TULP4: variants seen among roughly 807,000 people sequenced by gnomAD.
The protein encoded by TULP4 is TUB like protein 4.
A neutral mutation model predicts 129.0 loss-of-function variants in TULP4; 16 were observed. That is an observed-to-expected ratio of 0.12 (90% CI 0.08 to 0.19). TULP4 has a LOEUF of 0.19. TULP4 is among the 10% of genes least tolerant of loss of function. The pLI is 1.00. For synonymous variants in TULP4, 998 were observed against 854.0 expected (o/e 1.17, Z -2.94); for missense variants, 1,842 against 2,059.1 (o/e 0.89, Z 2.04).
chr6:158,313,307 G>A lies in TULP4; in HGVS notation c.-710G>A, dbSNP rs1355095558. On this transcript the variant is annotated 5_prime_UTR_variant, in exon 1 of 14. It introduces an in-frame stop codon into an upstream open reading frame of the 5' UTR. Coordinates refer to ENST00000367097, the MANE Select transcript of TULP4 (RefSeq NM_020245.5). ...CAAGCTTTGAGGTGGAAAGTTTCTG[G>A]TTCTGAAACAACAAGGAGAGAGTCT... is the stretch of plus-strand genomic sequence containing the variant. 2 of 392,696 alleles carry A rather than the reference G, an allele frequency of 5.1e-6. No individual in the cohort carries two copies. Among genetic ancestry groups the A allele is most frequent in the Non-Finnish European group, 9.0e-6 (2 of 223,072 alleles). The allele number at this position is 392,696 out of a possible 1,614,324, so 24.3% of individuals were successfully genotyped here.
chr6:158,380,263 T>C (rs1777290449), intron 1 of TULP4, among the ~76,000 whole-genome samples: 1 of 152,240 alleles, frequency 6.6e-6, no homozygotes, highest in Admixed American at 6.5e-5. Flanking sequence ...CAGCAAGAAC[T>C]ACGGACAGCC....
intron 1 of TULP4, chr6:158,237,740 C>G: frequency 1.2e-6 from 1 of 861,348 alleles, no homozygotes; most frequent in Admixed American, 1.7e-5. Flanking sequence ...GTAACTTTTC[C>G]ACCCTTCCAA....
intron 1 of TULP4, among the ~76,000 whole-genome samples, chr6:158,303,281 C>T (rs1779159744): frequency 6.6e-6 from 1 of 151,696 alleles, no homozygotes; most frequent in African/African-American, 2.4e-5. Context: ...AAGTGTTGGC[C>T]GGCTGAGAAA....
intron 1 of TULP4, among the ~76,000 whole-genome samples, chr6:158,380,691 C>T (rs1347151495): frequency 1.3e-5 from 2 of 151,532 alleles, no homozygotes; most frequent in Admixed American, 6.6e-5. Context: ...GTCAGGAGTT[C>T]GAGACCAGCC....
rs1323831952 is a variant in TULP4, at chr6:158,403,802, G to A, written c.253-9263G>A. Among the ~76,000 whole-genome samples, 3 of 152,196 alleles carry A rather than the reference G, an allele frequency of 2.0e-5. No homozygotes were observed. The East Asian group carries it at 5.8e-4, about 29-fold the overall frequency. On this transcript the variant is annotated intron_variant, in intron 1 of 13. Transcript: ENST00000367097. ...TAGATATCTTGTAGTCAGTCAGCTA[G>A]TTCAGGTTTCTAGCTAAAACAACAA...
At chr6:158,492,310 T>C (rs930411372) in intron 9 of TULP4, among the ~76,000 whole-genome samples, 1 of 152,258 alleles carries the variant, frequency 6.6e-6, no homozygotes, top group African/African-American at 2.4e-5. Flanking sequence ...TCTTCAGTTC[T>C]CTTCCAGCAG....
At chr6:158,421,088 G>A (rs577705761) in intron 2 of TULP4, among the ~76,000 whole-genome samples, 1 of 152,138 alleles carries the variant, frequency 6.6e-6, no homozygotes, top group Non-Finnish European at 1.5e-5. Context: ...GTGGCCGGGC[G>A]CGGTGGCTCA....
chr6:158,486,330 A>C (rs1383148143), intron 8 of TULP4, among the ~76,000 whole-genome samples: 2 of 152,164 alleles, frequency 1.3e-5, no homozygotes, highest in Admixed American at 6.5e-5. Context: ...TGGAAGGCCA[A>C]ATCACAAGGT....
chr6:158,319,386 C>T (rs989007144), intron 1 of TULP4, among the ~76,000 whole-genome samples: 7 of 148,876 alleles, frequency 4.7e-5, no homozygotes, highest in South Asian at 2.2e-4. Flanking sequence ...TTTTCATTTC[C>T]GGGAAGGCTG....
At chr6:158,316,060 C>G (rs1180100372) in intron 1 of TULP4, among the ~76,000 whole-genome samples, 1 of 152,254 alleles carries the variant, frequency 6.6e-6, no homozygotes, top group Non-Finnish European at 1.5e-5. Flanking sequence ...TACATACTCT[C>G]TGTGTCTGGC....
At chr6:158,265,679 T>G (rs1778433167) in intron 1 of TULP4, among the ~76,000 whole-genome samples, 1 of 133,054 alleles carries the variant, frequency 7.5e-6, no homozygotes, top group Non-Finnish European at 1.7e-5. Flanking sequence ...AGACTCCATC[T>G]CAGAAGAAAA....
At chr6:158,256,158 G>GAGCA (rs1451182555) in intron 1 of TULP4, among the ~76,000 whole-genome samples, 1 of 152,240 alleles carries the variant, frequency 6.6e-6, no homozygotes, top group Non-Finnish European at 1.5e-5. Flanking sequence ...AGCAGGCAAG[G>GAGCA]AGCAGTCAGT....
rs762073219 is a variant in TULP4 at position 158,502,748 on chromosome 6, C to T, written c.3085C>T (p.Arg1029Trp). 2.2e-5 allele frequency: 35 copies of T among 1,586,390 alleles called. No homozygotes were observed. Among genetic ancestry groups the T allele is most frequent in the African/African-American group, 1.3e-4 (10 of 74,516 alleles). The change falls in exon 13 of 14, where the codon CGG becomes TGG. Residue 1029 changes from arginine to tryptophan, a missense_variant. By Grantham distance (101) the Arg-to-Trp change is moderately radical. This residue lies in a region of TULP4 where 1,089 missense variants were observed against 987.1 expected (regional missense o/e 1.10). Transcript: ENST00000367097. ...GGGGGTGGTGACACAGCTCCCAGCG[C>T]GGCCCCCACCTGCCCTGTACACCTG... is the stretch of plus-strand genomic sequence containing the variant. ...PGGVVTQLPA[R>W]PPPALYTCSQ...
intron 1 of TULP4, among the ~76,000 whole-genome samples, chr6:158,296,692 GAGAA>G (rs988232800): frequency 1.6e-4 from 24 of 151,954 alleles, no homozygotes; most frequent in Non-Finnish European, 3.2e-4. Context: ...GAGAAATAAA[GAGAA>G]AGAGTACAAA....
intron 5 of TULP4, among the ~76,000 whole-genome samples, chr6:158,456,570 A>G (rs933267160): frequency 2.6e-5 from 4 of 152,206 alleles, no homozygotes; most frequent in Admixed American, 2.0e-4. Flanking sequence ...ACGATGGCTC[A>G]CGCCTGTAAT....
chr6:158,423,199 A>C (rs1778394072), intron 2 of TULP4, among the ~76,000 whole-genome samples: 1 of 152,166 alleles, frequency 6.6e-6, no homozygotes, highest in Non-Finnish European at 1.5e-5. Flanking sequence ...CCTGCAACGT[A>C]AGTGTAAAAG....
At chr6:158,378,465 T>TTTTTTG (rs1777243657) in intron 1 of TULP4, among the ~76,000 whole-genome samples, 2 of 69,406 alleles carry the variant, frequency 2.9e-5, no homozygotes, top group Non-Finnish European at 7.4e-5. Context: ...GGGAGCCAGT[T>TTTTTTG]TTTTTTTTTT....
At chr6:158,239,670 G>A (rs1583664857) in intron 1 of TULP4, among the ~76,000 whole-genome samples, 8 of 68,776 alleles carry the variant, frequency 1.2e-4, no homozygotes, top group South Asian at 5.2e-4. Flanking sequence ...CGGACCGGGC[G>A]GCTGGCCGGG....
At chr6:158,407,172 A>G (rs1777992032) in intron 1 of TULP4, among the ~76,000 whole-genome samples, 1 of 152,258 alleles carries the variant, frequency 6.6e-6, no homozygotes, top group Non-Finnish European at 1.5e-5. Flanking sequence ...AGGGCTTAAG[A>G]GAAACTCAGT....
Sources: allele counts gnomAD v4.1 joint callset (sites outside exome capture counted in the v4.1 genomes callset), GRCh38; gene constraint gnomAD v4.1.1; regional missense constraint gnomAD v4.1.1; transcripts MANE v1.5; gene names NCBI Gene and HGNC (gene_info 2026-07-23, HGNC 2026-07-21).